Variants in JPH3 observed in about 807,000 individuals in gnomAD.
JPH3 encodes junctophilin 3, also known as junctophilin-3.
Under a neutral mutation model 59.6 loss-of-function variants are expected in JPH3, and 11 were observed. That is an observed-to-expected ratio of 0.18 (90% CI 0.12 to 0.31). The LOEUF is 0.31. Among genes scored for constraint, JPH3 ranks in the 10% least tolerant of loss-of-function variants. The pLI is 1.00. For synonymous variants in JPH3, 673 were observed against 483.6 expected (o/e 1.39, Z -5.14); for missense variants, 1,202 against 1,105.7 (o/e 1.09, Z -1.24).
chr16:87,655,137 A>G (rs1319372550), intron 2 of JPH3: 1 of 152,316 alleles, frequency 6.6e-6, no homozygotes, highest in Non-Finnish European at 1.5e-5. Flanking sequence ...CAGACCCTGC[A>G]TCGGCAGTAA....
chr16:87,637,422 T>TTGTGTG lies in JPH3; in HGVS notation c.383-6820_383-6815dup, dbSNP rs35239550. The stretch of plus-strand genomic sequence containing the variant: ...AGAGAGAGAGAGAGAGTGTGTGTGT[T>TTGTGTG]TGTGTGTGTGTGTGTGTGTGTTTTA... On this transcript the variant is annotated intron_variant, in intron 1 of 4. Coordinates refer to ENST00000284262, the MANE Select transcript of JPH3 (RefSeq NM_020655.4). Among the ~76,000 whole-genome samples the TTGTGTG allele has an allele frequency of 6.9e-3, 1,023 of 147,600 alleles. 14 individuals are homozygous for TTGTGTG. Among genetic ancestry groups the TTGTGTG allele is most frequent in the African/African-American group, 0.023 (938 of 40,208 alleles).
intron 2 of JPH3, among the ~76,000 whole-genome samples, chr16:87,653,066 C>CTT (rs143182127): frequency 2.7e-5 from 4 of 150,910 alleles, no homozygotes; most frequent in African/African-American, 9.9e-5. Context: ...CAGTCAGTGC[C>CTT]TGCGGGGGGG....
intron 2 of JPH3, among the ~76,000 whole-genome samples, chr16:87,651,264 G>A (rs2032317513): frequency 6.6e-6 from 1 of 152,154 alleles, no homozygotes; most frequent in African/African-American, 2.4e-5. Context: ...ACTCACCCCG[G>A]AGCGCCCATG....
At chr16:87,619,305 C>A (rs1482082569) in intron 1 of JPH3, among the ~76,000 whole-genome samples, 1 of 109,248 alleles carries the variant, frequency 9.2e-6, no homozygotes, top group African/African-American at 3.5e-5. Flanking sequence ...AGAGCGAGAC[C>A]CTGTCTTAAG....
Position 87,695,795 on chromosome 16 carries a change from C to A in JPH3, c.2167-785C>A, listed in dbSNP as rs989153631. On this transcript the variant is annotated intron_variant, in intron 4 of 4. Transcript: ENST00000284262. ...GCAAGAATCACTGCAGAAGGGCGCC[C>A]CCGGAAAAGGCTCTGTTGTGAGACG... 25 of 455,834 alleles carry A rather than the reference C, an allele frequency of 5.5e-5. No homozygotes were observed. In the Admixed American group the frequency reaches 5.6e-4, roughly 10 times the overall value. 28.2% of individuals were successfully genotyped at this position (455,834 alleles called of 1,614,324 possible). A position where few individuals can be genotyped will look rare whatever the true frequency, so the allele number is the denominator to read the frequency against.
Position 87,690,087 on chromosome 16 carries a change from C to A in JPH3, c.1727C>A (p.Thr576Lys). Residue 576 changes from threonine (T) to lysine (K), a missense_variant, in exon 4 of 5, where the codon ACG (threonine) becomes AAG (lysine). Transcript: ENST00000284262. ...PGNPKPRERR[T>K]ESPPVFTWTS... ...AACCCCAAGCCGCGGGAGCGGCGGA[C>A]GGAGTCACCCCCCGTGTTCACGTGG... The A allele has an allele frequency of 6.4e-7, 1 of 1,567,688 alleles. No individual in the cohort carries two copies. The highest frequency in any genetic ancestry group is 8.6e-7 in the Non-Finnish European group (1 of 1,158,032).
chr16:87,661,706 G>A (rs1044606205), intron 2 of JPH3, among the ~76,000 whole-genome samples: 3 of 152,244 alleles, frequency 2.0e-5, no homozygotes, highest in Admixed American at 6.5e-5. Flanking sequence ...CCGTCCAAGA[G>A]CAGGGTCAGC....
chr16:87,636,759 G>C (rs554456111), intron 1 of JPH3, among the ~76,000 whole-genome samples: 36 of 152,202 alleles, frequency 2.4e-4, no homozygotes, highest in Non-Finnish European at 4.1e-4. Flanking sequence ...AAAGACTCCG[G>C]CGACCCTCAT....
rs546716859 is a variant in JPH3 at position 87,684,866 on chromosome 16, C to T, written c.1285+600C>T. Among the ~76,000 whole-genome samples the T allele has an allele frequency of 2.2e-3, 271 of 124,100 alleles. 1 individual carries two copies. The highest frequency in any genetic ancestry group is 7.9e-3 in the African/African-American group (266 of 33,706). 81.4% of individuals were successfully genotyped at this position (124,100 alleles called of 152,430 possible). On this transcript the variant is annotated intron_variant, in intron 3 of 4. Coordinates refer to ENST00000284262, the MANE Select transcript of JPH3 (RefSeq NM_020655.4). ...GGGTGATACGGCCCAGTGACAGTGGCGGGGGCGTGGAGGGTGTGGGGTGGG... is the reference window on the plus strand; with the variant it reads ...GGGTGATACGGCCCAGTGACAGTGGTGGGGGCGTGGAGGGTGTGGGGTGGG...
chr16:87,625,874 C>G (rs1463541329), intron 1 of JPH3, among the ~76,000 whole-genome samples: 5 of 152,038 alleles, frequency 3.3e-5, no homozygotes, highest in African/African-American at 4.8e-5. Context: ...CACCCCATAC[C>G]CTCCCCTGAT....
chr16:87,677,559 C>T (rs1355092399), intron 2 of JPH3, among the ~76,000 whole-genome samples: 1 of 152,202 alleles, frequency 6.6e-6, no homozygotes, highest in African/African-American at 2.4e-5. Context: ...ACCCCCTGCA[C>T]AGGTGAGGAA....
chr16:87,657,962 C>T (rs762145201), intron 2 of JPH3, among the ~76,000 whole-genome samples: 2 of 152,170 alleles, frequency 1.3e-5, no homozygotes, highest in Non-Finnish European at 2.9e-5. Flanking sequence ...ACCAACCTGG[C>T]CTCACAGTGG....
chr16:87,661,167 C>A lies in JPH3; in HGVS notation c.1160+16132C>A, dbSNP rs1226121369. On this transcript the variant is annotated intron_variant, in intron 2 of 4. Transcript: ENST00000284262. ...TGGCTCGAGGTCCCTCCTCCACCTT[C>A]AGAGCCAGCGGGGCAGCCTCTCCTC... Among the ~76,000 whole-genome samples the A allele has an allele frequency of 3.3e-5, 5 of 152,214 alleles. No homozygotes were observed. The East Asian group carries it at 9.6e-4, about 29-fold the overall frequency.
At chr16:87,642,641 C>T (rs2031992198) in intron 1 of JPH3, among the ~76,000 whole-genome samples, 2 of 152,234 alleles carry the variant, frequency 1.3e-5, no homozygotes, top group Admixed American at 6.5e-5. Flanking sequence ...CAGGGTGGCA[C>T]ATCCACGCCG....
chr16:87,669,594 G>A lies in JPH3; in HGVS notation c.1161-14548G>A, dbSNP rs548685490. Among the ~76,000 whole-genome samples the A allele has an allele frequency of 3.8e-4, 58 of 152,284 alleles. 1 individual carries two copies. The highest frequency in any genetic ancestry group is 3.4e-3 in the Middle Eastern group (1 of 294). On this transcript the variant is annotated intron_variant, in intron 2 of 4. Transcript: ENST00000284262. The stretch of plus-strand genomic sequence containing the variant: ...GTGCAGACGTGGGTCAGTGGCCCGC[G>A]GTGAGAGCTCCCTGTCTGCCCCATG...
chr16:87,687,853 T>TG (rs895481291), intron 3 of JPH3, among the ~76,000 whole-genome samples: 46 of 150,944 alleles, frequency 3.0e-4, no homozygotes, highest in South Asian at 4.2e-4. Flanking sequence ...CATCGGGGGA[T>TG]GGGGGGGGCC....
chr16:87,654,134 G>A (rs2032415176), intron 2 of JPH3: 1 of 152,150 alleles, frequency 6.6e-6, no homozygotes, highest in South Asian at 2.1e-4. Flanking sequence ...TCCTCTGGGC[G>A]GTCCACGAAT....
At chr16:87,662,722 C>A (rs2032744240) in intron 2 of JPH3, among the ~76,000 whole-genome samples, 1 of 152,224 alleles carries the variant, frequency 6.6e-6, no homozygotes, top group South Asian at 2.1e-4. Context: ...AGGCTGCTTT[C>A]CTCTGGCTCA....
upstream of JPH3, among the ~76,000 whole-genome samples, chr16:87,602,431 C>CGGGGGGCG (rs1417599117): frequency 1.5e-4 from 2 of 13,294 alleles, no homozygotes; most frequent in Non-Finnish European, 2.0e-4. Flanking sequence ...GGGGCGGGGG[C>CGGGGGGCG]GGGGGCGGGG....
Sources: gnomAD v4.1 joint callset for allele counts (sites outside exome capture counted in the v4.1 genomes callset) on GRCh38, gnomAD v4.1.1 for gene constraint, MANE v1.5 for transcripts, NCBI Gene and HGNC (gene_info 2026-07-23, HGNC 2026-07-21) for gene names.